The following GFOD1 variants were observed in gnomAD, a reference collection of about 807,000 sequenced individuals.
The protein encoded by GFOD1 is Gfo/Idh/MocA-like oxidoreductase domain containing 1, also known as glucose-fructose oxidoreductase domain-containing protein 1.
Under a neutral mutation model 25.4 loss-of-function variants are expected in GFOD1, and 9 were observed. The ratio of observed to expected loss-of-function variants is 0.35; its 90% CI spans 0.21 to 0.62. The LOEUF (loss-of-function observed/expected upper bound fraction) is 0.62, where lower values mean the gene tolerates loss of function less well. Ranked by LOEUF, GFOD1 falls within the 20% of genes least tolerant of loss-of-function variation. The pLI is 0.72. For synonymous variants in GFOD1, 253 were observed against 245.6 expected, an observed-to-expected ratio of 1.03 and a Z score of -0.28; for missense variants, 403 against 556.9, an observed-to-expected ratio of 0.72 and a Z score of 2.78.
chr6:13,461,734 G>A (rs1372737834), intron 1 of GFOD1, among the ~76,000 whole-genome samples: 1 of 152,154 alleles, frequency 6.6e-6, no homozygotes, highest in Non-Finnish European at 1.5e-5. Flanking sequence ...CAGAGAGAAA[G>A]GAGGCTCTTT....
At chr6:13,463,523 A>G (rs959816881) in intron 1 of GFOD1, among the ~76,000 whole-genome samples, 7 of 152,226 alleles carry the variant, frequency 4.6e-5, no homozygotes, top group African/African-American at 7.2e-5. Context: ...GCTCCAGATC[A>G]CAAGCTCTTT....
At chr6:13,477,416 C>T (rs1386350924) in intron 1 of GFOD1, among the ~76,000 whole-genome samples, 1 of 151,930 alleles carries the variant, frequency 6.6e-6, no homozygotes, top group African/African-American at 2.4e-5. Context: ...AGAAATCCTT[C>T]TCCCTCAATC....
At chr6:13,368,434 TTA>T (rs1268467041) in intron 1 of GFOD1, among the ~76,000 whole-genome samples, 1 of 152,160 alleles carries the variant, frequency 6.6e-6, no homozygotes, top group Non-Finnish European at 1.5e-5. Context: ...CTGTGTAACA[TTA>T]TGTTCTGACA....
chr6:13,366,213 C>T (rs1785044966), intron 1 of GFOD1, among the ~76,000 whole-genome samples: 1 of 152,120 alleles, frequency 6.6e-6, no homozygotes, highest in African/African-American at 2.4e-5. Flanking sequence ...GACAGAATCT[C>T]ACTGTTCCCC....
At chr6:13,433,621 TGGAAGAAAGCCTTGA>T in intron 1 of GFOD1, among the ~76,000 whole-genome samples, 1 of 152,254 alleles carries the variant, frequency 6.6e-6, no homozygotes, top group East Asian at 1.9e-4. Context: ...AGGACTTTCA[TGGAAGAAAGCCTTGA>T]GGGGAGTTTT....
intron 1 of GFOD1, among the ~76,000 whole-genome samples, chr6:13,450,670 C>A (rs760207781): frequency 6.6e-6 from 1 of 152,132 alleles, no homozygotes; most frequent in Non-Finnish European, 1.5e-5. Context: ...CACCCAGGGA[C>A]CTTATCGTGG....
At chr6:13,486,406 G>A in intron 1 of GFOD1, 1 of 602,836 alleles carries the variant, frequency 1.7e-6, no homozygotes, top group South Asian at 2.0e-5. Context: ...CTACACACGT[G>A]GGGAAGCGCG....
intron 1 of GFOD1, among the ~76,000 whole-genome samples, chr6:13,374,486 A>G (rs1648728925): frequency 6.6e-6 from 1 of 151,826 alleles, no homozygotes; most frequent in South Asian, 2.1e-4. Flanking sequence ...TTGTAATTTT[A>G]GTAGAGACAG....
chr6:13,370,699 GTATA>G (rs1264709676), intron 1 of GFOD1, among the ~76,000 whole-genome samples: 3 of 133,310 alleles, frequency 2.3e-5, no homozygotes, highest in African/African-American at 8.6e-5. Context: ...GTGTGTGTGT[GTATA>G]TGTGTTTATG....
intron 1 of GFOD1, among the ~76,000 whole-genome samples, chr6:13,370,907 T>C (rs926081134): frequency 1.3e-5 from 2 of 152,196 alleles, no homozygotes; most frequent in Non-Finnish European, 2.9e-5. Flanking sequence ...AGCACACAGG[T>C]ACCTGTTCTG....
intron 1 of GFOD1, among the ~76,000 whole-genome samples, chr6:13,376,473 C>A (rs1785259562): frequency 1.3e-5 from 2 of 152,042 alleles, no homozygotes; most frequent in African/African-American, 4.8e-5. Context: ...CCCCTGGATC[C>A]AAGGGACAGA....
intron 1 of GFOD1, among the ~76,000 whole-genome samples, chr6:13,466,518 G>A (rs1218631747): frequency 6.6e-6 from 1 of 152,132 alleles, no homozygotes; most frequent in Non-Finnish European, 1.5e-5. Context: ...GGCTGTACCC[G>A]CCAGTGACTC....
At chr6:13,385,346 T>C (rs1001121162) in intron 1 of GFOD1, among the ~76,000 whole-genome samples, 3 of 152,152 alleles carry the variant, frequency 2.0e-5, no homozygotes, top group Non-Finnish European at 4.4e-5. Flanking sequence ...ATCTGTAACA[T>C]AAAAGTACCA....
At chr6:13,466,603 G>C (rs1164032216) in intron 1 of GFOD1, among the ~76,000 whole-genome samples, 1 of 152,168 alleles carries the variant, frequency 6.6e-6, no homozygotes, top group Non-Finnish European at 1.5e-5. Flanking sequence ...TACAATTTCT[G>C]ACCTGCAGTT....
intron 1 of GFOD1, among the ~76,000 whole-genome samples, chr6:13,423,269 G>A (rs1449063916): frequency 7.1e-6 from 1 of 140,952 alleles, no homozygotes; most frequent in African/African-American, 3.2e-5. Context: ...GGTTTATTGG[G>A]GATATTAAAT....
intron 1 of GFOD1, chr6:13,486,079 CAGAA>C (rs1758858654): frequency 2.2e-6 from 2 of 903,380 alleles, no homozygotes; most frequent in Admixed American, 6.2e-5. Context: ...TAACTCACAG[CAGAA>C]AGAAACAAAC....
At chr6:13,484,343 T>C (rs1170425094) in intron 1 of GFOD1, among the ~76,000 whole-genome samples, 1 of 152,162 alleles carries the variant, frequency 6.6e-6, no homozygotes, top group Non-Finnish European at 1.5e-5. Context: ...CTCGTATCTA[T>C]ACACTCCCAA....
At chr6:13,462,286 C>A (rs574184753) in intron 1 of GFOD1, among the ~76,000 whole-genome samples, 13 of 152,272 alleles carry the variant, frequency 8.5e-5, no homozygotes, top group South Asian at 2.1e-4. Flanking sequence ...GACCTCGCAA[C>A]CTTGGACCGC....
At chr6:13,379,371 C>T (rs1785314818) in intron 1 of GFOD1, among the ~76,000 whole-genome samples, 1 of 152,158 alleles carries the variant, frequency 6.6e-6, no homozygotes, top group African/African-American at 2.4e-5. Flanking sequence ...AAGCCATGGG[C>T]ACACAGCCAG....
Sources: allele counts gnomAD v4.1 joint callset (sites outside exome capture counted in the v4.1 genomes callset), GRCh38; gene constraint gnomAD v4.1.1; transcripts MANE v1.5; gene names NCBI Gene and HGNC (gene_info 2026-07-23, HGNC 2026-07-21).